ARHGEF4: variants seen among roughly 807,000 people sequenced by gnomAD.
The protein encoded by ARHGEF4 is APC-stimulated guanine nucleotide exchange factor 1.
A neutral mutation model predicts 162.0 loss-of-function variants in ARHGEF4; 119 were observed. The observed-to-expected ratio is 0.73, with a 90% CI of 0.63 to 0.86. The LOEUF (loss-of-function observed/expected upper bound fraction) is 0.86, where lower values mean the gene tolerates loss of function less well. Among genes scored for constraint, ARHGEF4 ranks in the 40% least tolerant of loss-of-function variants. ARHGEF4 has a pLI of 0.00. For missense variants in ARHGEF4, 2,488 were observed against 2,456.0 expected, an observed-to-expected ratio of 1.01 and a Z score of -0.28; for synonymous variants, 1,014 against 979.9, an observed-to-expected ratio of 1.03 and a Z score of -0.65.
At chr2:130,848,073 G>A (rs1033128690) in intron 1 of ARHGEF4, among the ~76,000 whole-genome samples, 8 of 152,236 alleles carry the variant, frequency 5.3e-5, no homozygotes, top group Admixed American at 3.9e-4. Context: ...AGGACATGGG[G>A]CCTCTGCCCA....
intron 4 of ARHGEF4, among the ~76,000 whole-genome samples, chr2:131,024,181 A>G (rs1689323626): frequency 6.6e-6 from 1 of 151,984 alleles, no homozygotes; most frequent in African/African-American, 2.4e-5. Context: ...AACTGGATGG[A>G]GGGTGCACAG....
At chr2:130,837,130 C>T (rs2104838857) in intron 1 of ARHGEF4, 138 bp downstream of exon 1, 2 of 797,776 alleles carry the variant, frequency 2.5e-6, no homozygotes, top group Admixed American at 8.9e-5. Context: ...CGTGGCTCCC[C>T]GCCGCTCCCA....
At chr2:130,867,525 C>G (rs1490890815) in intron 1 of ARHGEF4, among the ~76,000 whole-genome samples, 1 of 152,122 alleles carries the variant, frequency 6.6e-6, no homozygotes, top group African/African-American at 2.4e-5. Flanking sequence ...TGTGAGACAC[C>G]ATGCCTGGCC....
At position 131,032,822 on chromosome 2, in the gene ARHGEF4, CTTTCT is replaced by C. The variant is rs1553444484; in HGVS notation, c.4125+4757_4125+4761del. ...AAGGGCCTAGGCCTTTGCCTTCAAG[CTTTCT>C]TTTCTTTTCTTTTCTTTTTTCTTTT... On this transcript the variant is annotated intron_variant, in intron 5 of 13. Transcript: ENST00000409359. Among the ~76,000 whole-genome samples the C allele has an allele frequency of 9.2e-3, 1,310 of 142,044 alleles. 19 individuals carry two copies. Among genetic ancestry groups the C allele is most frequent in the African/African-American group, 0.033 (1,153 of 34,656 alleles). The allele number at this position is 142,044 out of a possible 152,430, so 93.2% of individuals were successfully genotyped here. A position where few individuals can be genotyped will look rare whatever the true frequency, so the allele number is the denominator to read the frequency against.
At chr2:130,972,563 A>G (rs1685435488) in intron 4 of ARHGEF4, among the ~76,000 whole-genome samples, 1 of 152,210 alleles carries the variant, frequency 6.6e-6, no homozygotes, top group Admixed American at 6.5e-5. Context: ...TTGTTGACAT[A>G]ACATCATCAG....
intron 3 of ARHGEF4, among the ~76,000 whole-genome samples, chr2:130,940,855 A>G (rs562625296): frequency 7.6e-4 from 115 of 151,512 alleles, no homozygotes; most frequent in African/African-American, 2.7e-3. Context: ...AAAAGAAAAA[A>G]AAAAAGAAAA....
chr2:130,882,983 C>T (rs1487715275), intron 1 of ARHGEF4, among the ~76,000 whole-genome samples: 1 of 151,976 alleles, frequency 6.6e-6, no homozygotes, highest in East Asian at 1.9e-4. Flanking sequence ...CTTCTGGCTC[C>T]CCTTTCTGCC....
intron 2 of ARHGEF4, among the ~76,000 whole-genome samples, chr2:130,926,912 TG>T (rs1481226340): frequency 1.4e-5 from 2 of 143,428 alleles, no homozygotes; most frequent in Non-Finnish European, 3.0e-5. Context: ...ATATTTCTGT[TG>T]GGGGGAGAAG....
chr2:130,837,637 G>C (rs912140383), intron 1 of ARHGEF4: 1 of 450,506 alleles, frequency 2.2e-6, no homozygotes, highest in African/African-American at 2.0e-5. Flanking sequence ...CCCCAAGATG[G>C]GCCGGGGGCT....
chr2:130,853,628 C>T (rs1396989512), intron 1 of ARHGEF4, among the ~76,000 whole-genome samples: 2 of 152,198 alleles, frequency 1.3e-5, no homozygotes, highest in African/African-American at 4.8e-5. Context: ...TGCCTGTGCA[C>T]ATCGGTGTCC....
At chr2:130,934,394 T>A (rs979648983) in intron 3 of ARHGEF4, among the ~76,000 whole-genome samples, 1 of 152,212 alleles carries the variant, frequency 6.6e-6, no homozygotes, top group Non-Finnish European at 1.5e-5. Flanking sequence ...TCTTGTATAG[T>A]TCACCAGTGA....
chr2:130,877,468 A>G (rs111806564), intron 1 of ARHGEF4, among the ~76,000 whole-genome samples: 51 of 152,268 alleles, frequency 3.3e-4, no homozygotes, highest in African/African-American at 1.2e-3. Context: ...GCGATCCCAA[A>G]CAGGCATTGG....
At chr2:130,992,372 C>T (rs1477046932) in intron 4 of ARHGEF4, among the ~76,000 whole-genome samples, 3 of 152,026 alleles carry the variant, frequency 2.0e-5, no homozygotes, top group South Asian at 4.2e-4. Context: ...GTCCATGCTG[C>T]TTTTAAGAGC....
intron 4 of ARHGEF4, among the ~76,000 whole-genome samples, chr2:130,988,292 C>G (rs910007826): frequency 6.6e-6 from 1 of 152,118 alleles, no homozygotes; most frequent in Non-Finnish European, 1.5e-5. Context: ...CTTGGAAGAC[C>G]AGACTCACAG....
chr2:130,917,260 G>A lies in ARHGEF4; in HGVS notation c.3314G>A (p.Gly1105Asp), dbSNP rs1681558091. 3 of 1,550,488 alleles carry A rather than the reference G, an allele frequency of 1.9e-6. No homozygotes were observed. Among genetic ancestry groups the A allele is most frequent in the Middle Eastern group, 1.7e-4 (1 of 5,992 alleles). ...LSPRPSAQRM[G>D]LHYPGRGSAI... ...CCCAGGCCTAGTGCTCAGCGGATGG[G>A]TCTCCACTACCCCGGGAGGGGTAGC... The change falls in exon 2 of 14, where the codon GGT becomes GAT. Residue 1105 changes from glycine (G) to aspartate (D), a missense_variant. Around this residue, in one of 6 missense-constraint regions of ARHGEF4, gnomAD observed 1,642 missense variants for 1,481.5 expected, o/e 1.11. Coordinates refer to ENST00000409359, the MANE Select transcript of ARHGEF4 (RefSeq NM_001367493.1).
chr2:130,879,016 C>T (rs1027056744), intron 1 of ARHGEF4, among the ~76,000 whole-genome samples: 5 of 152,158 alleles, frequency 3.3e-5, no homozygotes, highest in South Asian at 2.1e-4. Flanking sequence ...GTAGAGGCTA[C>T]GGCTCAGGCA....
At chr2:130,971,655 C>A (rs1293885269) in intron 4 of ARHGEF4, among the ~76,000 whole-genome samples, 734 of 101,174 alleles carry the variant, frequency 7.3e-3, no homozygotes, top group Middle Eastern at 0.013. Flanking sequence ...GAGACTGTCT[C>A]AAAAAAAAAA....
chr2:130,841,089 G>T (rs1336983692), intron 1 of ARHGEF4, among the ~76,000 whole-genome samples: 1 of 152,182 alleles, frequency 6.6e-6, no homozygotes, highest in African/African-American at 2.4e-5. Flanking sequence ...GTTTGAGACA[G>T]AGTCTCGCTT....
intron 1 of ARHGEF4, among the ~76,000 whole-genome samples, chr2:130,886,475 C>G (rs1031116718): frequency 6.6e-6 from 1 of 151,590 alleles, no homozygotes; most frequent in Non-Finnish European, 1.5e-5. Flanking sequence ...GTCAGGAGAT[C>G]GAGACTATCC....
Sources: allele counts gnomAD v4.1 joint callset (sites outside exome capture counted in the v4.1 genomes callset), GRCh38; gene constraint gnomAD v4.1.1; regional missense constraint gnomAD v4.1.1; transcripts MANE v1.5; gene names NCBI Gene and HGNC (gene_info 2026-07-23, HGNC 2026-07-21).